CSNK1G1: variants seen among roughly 807,000 people sequenced by gnomAD.
CSNK1G1 encodes casein kinase I isoform gamma-1.
CSNK1G1 carries 22 observed loss-of-function variants against 59.6 expected under a neutral mutation model. That is an observed-to-expected ratio of 0.37 (90% CI 0.26 to 0.53). The LOEUF (loss-of-function observed/expected upper bound fraction) is 0.53. Ranked by LOEUF, CSNK1G1 falls within the 20% of genes least tolerant of loss-of-function variation. The pLI is 0.89. For synonymous variants in CSNK1G1, 179 were observed against 177.1 expected (o/e 1.01, Z -0.08); for missense variants, 384 against 519.5 (o/e 0.74, Z 2.54).
chr15:64,251,559 G>A lies in CSNK1G1; in HGVS notation c.245C>T (p.Pro82Leu). ...IKLEPIKSRAPQLHLEYRFYK... is the reference protein window; with the variant it reads ...IKLEPIKSRALQLHLEYRFYK... ...AAATCTGTACTCTAAATGAAGCTGTGGAGCACGTGATTTTATTGGTTCCTG... is the reference window on the plus strand; with the variant it reads ...AAATCTGTACTCTAAATGAAGCTGTAGAGCACGTGATTTTATTGGTTCCTG... Residue 82 changes from proline (P) to leucine (L), a missense_variant, in exon 4 of 12, where the codon CCA becomes CTA. Physicochemically the swap from Pro to Leu is moderately conservative, Grantham distance 98. Coordinates refer to ENST00000303052, the MANE Select transcript of CSNK1G1 (RefSeq NM_022048.5). 2.5e-6 allele frequency: 4 copies of A among 1,612,290 alleles called. No individual in the cohort carries two copies. The highest frequency in any genetic ancestry group is 3.4e-6 in the Non-Finnish European group (4 of 1,178,832).
At chr15:64,269,810 A>G (rs1893185014) in intron 2 of CSNK1G1, among the ~76,000 whole-genome samples, 1 of 143,440 alleles carries the variant, frequency 7.0e-6, no homozygotes, top group African/African-American at 2.6e-5. Flanking sequence ...GGCTATTTTT[A>G]TTTTTATTTT....
intron 10 of CSNK1G1, among the ~76,000 whole-genome samples, chr15:64,187,942 T>C (rs2081920310): frequency 1.3e-5 from 2 of 152,330 alleles, no homozygotes; most frequent in African/African-American, 4.8e-5. Context: ...AGATGACTTA[T>C]ACAAATTAAC....
At chr15:64,278,295 C>T (rs1893870347) in intron 2 of CSNK1G1, among the ~76,000 whole-genome samples, 1 of 151,698 alleles carries the variant, frequency 6.6e-6, no homozygotes, top group Non-Finnish European at 1.5e-5. Context: ...AATCCACCCG[C>T]CTCGGCCTCC....
intron 1 of CSNK1G1, among the ~76,000 whole-genome samples, chr15:64,326,512 C>T (rs1367459354): frequency 6.6e-6 from 1 of 152,000 alleles, no homozygotes; most frequent in African/African-American, 2.4e-5. Context: ...GGCATGGTGG[C>T]AGGCACCTTT....
intron 6 of CSNK1G1, among the ~76,000 whole-genome samples, chr15:64,211,706 T>C (rs890451219): frequency 6.6e-6 from 1 of 152,058 alleles, no homozygotes; most frequent in Non-Finnish European, 1.5e-5. Context: ...ATTTTATACA[T>C]GAGATAACCG....
intron 6 of CSNK1G1, among the ~76,000 whole-genome samples, chr15:64,212,729 G>C (rs1056489567): frequency 6.6e-6 from 1 of 151,600 alleles, no homozygotes; most frequent in South Asian, 2.1e-4. Context: ...AAATATGCTG[G>C]GCACGGTGGC....
In CSNK1G1 at chr15:64,168,255, A is replaced by G. The variant is rs2081625314; in HGVS notation, c.*3676T>C. ...TCCTAGACCCTGTTTATTGCTGGAC[A>G]GGCTCCATAATAGCAGAAGAATGTT... On this transcript the variant is annotated 3_prime_UTR_variant, in exon 12 of 12. Coordinates refer to ENST00000303052, the MANE Select transcript of CSNK1G1 (RefSeq NM_022048.5). 6.6e-6 allele frequency: 1 copy of G among 152,646 alleles called. No individual in the cohort carries two copies. The highest frequency in any genetic ancestry group is 2.4e-5 in the African/African-American group (1 of 41,438). The allele number at this position is 152,646 out of a possible 1,614,324, so 9.5% of individuals were successfully genotyped here. A position where few individuals can be genotyped will look rare whatever the true frequency, so the allele number is the denominator to read the frequency against.
At chr15:64,186,040 T>A (rs560246596) in intron 10 of CSNK1G1, among the ~76,000 whole-genome samples, 2 of 152,236 alleles carry the variant, frequency 1.3e-5, no homozygotes, top group South Asian at 4.1e-4. Flanking sequence ...ACTTTATTAT[T>A]ATATTAGGGA....
At chr15:64,184,572 G>C (rs1223995412) in intron 10 of CSNK1G1, among the ~76,000 whole-genome samples, 1 of 150,972 alleles carries the variant, frequency 6.6e-6, no homozygotes, top group East Asian at 2.0e-4. Flanking sequence ...AGCTACTCAG[G>C]AGGCTGAGGC....
chr15:64,354,891 T>C (rs1161552040), intron 1 of CSNK1G1, among the ~76,000 whole-genome samples: 2 of 152,224 alleles, frequency 1.3e-5, no homozygotes, highest in Non-Finnish European at 2.9e-5. Flanking sequence ...AAGTCAATAC[T>C]TCCACTTGAC....
chr15:64,310,094 C>G (rs564483679), intron 1 of CSNK1G1, among the ~76,000 whole-genome samples: 53 of 151,942 alleles, frequency 3.5e-4, no homozygotes, highest in African/African-American at 1.2e-3. Context: ...GCCTGGGAGA[C>G]AGAGAGACCC....
chr15:64,167,348 A>G lies in CSNK1G1; in HGVS notation c.*4583T>C, dbSNP rs981625702. 6.6e-6 allele frequency: 1 copy of G among 152,358 alleles called. No homozygotes were observed. The highest frequency in any genetic ancestry group is 1.5e-5 in the Non-Finnish European group (1 of 68,034). 9.4% of individuals were successfully genotyped at this position (152,358 alleles called of 1,614,324 possible). A position where few individuals can be genotyped will look rare whatever the true frequency, so the allele number is the denominator to read the frequency against. Reference sequence around the variant, plus strand: ...AACTGAAAACCAAAAACAACAACAAAAAAACAAAACCCAAAGCCAAAGGAA... The same window carrying G: ...AACTGAAAACCAAAAACAACAACAAGAAAACAAAACCCAAAGCCAAAGGAA... On this transcript the variant is annotated 3_prime_UTR_variant, in exon 12 of 12. Coordinates refer to ENST00000303052, the MANE Select transcript of CSNK1G1 (RefSeq NM_022048.5).
At chr15:64,333,123 G>T (rs1276822024) in intron 1 of CSNK1G1, among the ~76,000 whole-genome samples, 4 of 151,666 alleles carry the variant, frequency 2.6e-5, no homozygotes. Flanking sequence ...CAGGTATGGT[G>T]GCGGGCACCT....
intron 5 of CSNK1G1, among the ~76,000 whole-genome samples, chr15:64,215,035 A>C (rs2082292894): frequency 6.7e-6 from 1 of 148,454 alleles, no homozygotes; most frequent in Admixed American, 6.7e-5. Context: ...TCCTGGCCTC[A>C]AGTGACCCTC....
chr15:64,281,977 A>G (rs976935441), intron 2 of CSNK1G1, among the ~76,000 whole-genome samples: 1 of 149,976 alleles, frequency 6.7e-6, no homozygotes, highest in African/African-American at 2.5e-5. Flanking sequence ...CCTGGAGTGT[A>G]GTGGCGCAAT....
chr15:64,266,196 G>A (rs1378779261), intron 2 of CSNK1G1, among the ~76,000 whole-genome samples: 2 of 151,988 alleles, frequency 1.3e-5, no homozygotes, highest in Admixed American at 6.6e-5. Context: ...CTGAGTAGCT[G>A]GGACTATAGG....
intron 4 of CSNK1G1, among the ~76,000 whole-genome samples, chr15:64,236,624 T>C (rs772134300): frequency 2.0e-5 from 3 of 152,142 alleles, no homozygotes; most frequent in Non-Finnish European, 4.4e-5. Context: ...CGGCTACTAT[T>C]AAATTAAGAA....
At chr15:64,248,501 T>C (rs149486023) in intron 4 of CSNK1G1, among the ~76,000 whole-genome samples, 155 of 152,274 alleles carry the variant, frequency 1.0e-3, no homozygotes, top group African/African-American at 3.6e-3. Context: ...ACGCTTGAGA[T>C]ACAAGGGTAA....
At chr15:64,181,760 C>T (rs2081816813) in intron 10 of CSNK1G1, 1 of 204,966 alleles carries the variant, frequency 4.9e-6, no homozygotes, top group African/African-American at 2.3e-5. Context: ...ACTGTGCAGA[C>T]AACCCACAGA....
Sources: gnomAD v4.1 joint callset for allele counts (sites outside exome capture counted in the v4.1 genomes callset) on GRCh38, gnomAD v4.1.1 for gene constraint, MANE v1.5 for transcripts, NCBI Gene and HGNC (gene_info 2026-07-23, HGNC 2026-07-21) for gene names.